The following TUBGCP3 variants were observed in gnomAD, a reference collection of about 807,000 sequenced individuals.
TUBGCP3 encodes the protein gamma-tubulin complex component 3.
A neutral mutation model predicts 123.1 loss-of-function variants in TUBGCP3; 50 were observed. The ratio of observed to expected loss-of-function variants is 0.41; its 90% CI spans 0.32 to 0.51. TUBGCP3 has a LOEUF of 0.51. Among genes scored for constraint, TUBGCP3 ranks in the 20% least tolerant of loss-of-function variants. The probability of loss-of-function intolerance (pLI) is 0.36; values close to 1 mark genes in which losing one functional copy is unlikely to be tolerated. For missense variants in TUBGCP3, 882 were observed against 1,127.0 expected (o/e 0.78, Z 3.11); for synonymous variants, 405 against 413.9 (o/e 0.98, Z 0.26).
At chr13:112,588,996 A>G (rs371443723), upstream of TUBGCP3, among the ~76,000 whole-genome samples, 5 of 152,236 alleles carry the variant, frequency 3.3e-5, no homozygotes, top group African/African-American at 1.2e-4. Context: ...AAAAACATGG[A>G]GACAAAGCAG....
chr13:112,493,209 C>CG (rs1257291870), intron 20 of TUBGCP3, among the ~76,000 whole-genome samples: 1 of 126,358 alleles, frequency 7.9e-6, no homozygotes, highest in Non-Finnish European at 1.6e-5. Flanking sequence ...GCTCTGGGAA[C>CG]GGGGGCTGGT....
At chr13:112,525,046 G>A (rs1280835116) in intron 13 of TUBGCP3, among the ~76,000 whole-genome samples, 6 of 152,148 alleles carry the variant, frequency 3.9e-5, no homozygotes, top group Admixed American at 6.5e-5. Context: ...GTCCTGTTAA[G>A]AGAACATCTG....
At chr13:112,579,133 C>T (rs956864796) in intron 1 of TUBGCP3, among the ~76,000 whole-genome samples, 11 of 151,122 alleles carry the variant, frequency 7.3e-5, no homozygotes, top group African/African-American at 2.7e-4. Flanking sequence ...ACAGATAATT[C>T]ACCAAGAAGA....
chr13:112,547,323 C>T, intron 10 of TUBGCP3: 1 of 408,446 alleles, frequency 2.4e-6, no homozygotes, highest in Non-Finnish European at 4.2e-6. Context: ...CAATGCCAGC[C>T]CGAGCTTCTA....
chr13:112,585,535 G>C (rs1227278220), intron 1 of TUBGCP3, among the ~76,000 whole-genome samples: 5 of 152,132 alleles, frequency 3.3e-5, no homozygotes, highest in Admixed American at 3.3e-4. Context: ...CAAGCGGCAG[G>C]GGGGTGGGGT....
rs1367400059 is a variant in TUBGCP3, at chr13:112,485,783, A to C, written c.*210T>G. 1.7e-6 allele frequency: 1 copy of C among 590,998 alleles called. No homozygotes were observed. Among genetic ancestry groups the C allele is most frequent in the East Asian group, 2.9e-5 (1 of 34,646 alleles). 36.6% of individuals were successfully genotyped at this position (590,998 alleles called of 1,614,324 possible). A position where few individuals can be genotyped will look rare whatever the true frequency, so the allele number is the denominator to read the frequency against. ...CAAATGTGAACAGTGCAGCCAGCCT[A>C]CTTGACTTAGGGATTTACAAATGCA... is the stretch of plus-strand genomic sequence containing the variant. On this transcript the variant is annotated 3_prime_UTR_variant, in exon 22 of 22. Transcript: ENST00000261965.
In TUBGCP3 at chr13:112,508,915, T is replaced by C. The variant is rs1228859490; in HGVS notation, c.2087-4201A>G. On this transcript the variant is annotated intron_variant, in intron 17 of 21. Transcript: ENST00000261965. This position sits in a 1 kb window ranked among gnomAD's most constrained non-coding sequence, Gnocchi z 4.2. ...ATTCCCTTCCCTCCAGCCCCGCGGC[T>C]GCTGTAACCATAAAGGCCAACGTCA... is the stretch of plus-strand genomic sequence containing the variant. 6.6e-6 allele frequency among the ~76,000 whole-genome samples: 1 copy of C among 152,124 alleles called. No individual in the cohort carries two copies. The highest frequency in any genetic ancestry group is 1.5e-5 in the Non-Finnish European group (1 of 68,026).
intron 1 of TUBGCP3, among the ~76,000 whole-genome samples, chr13:112,575,198 T>A (rs563132068): frequency 0.01 from 1,592 of 152,254 alleles, 12 homozygotes; most frequent in Non-Finnish European, 0.015. Flanking sequence ...CTTAAAGCTG[T>A]GTACTATCGA....
chr13:112,548,706 A>G (rs1879280886), intron 8 of TUBGCP3, among the ~76,000 whole-genome samples: 1 of 152,270 alleles, frequency 6.6e-6, no homozygotes, highest in African/African-American at 2.4e-5. Context: ...AAAAGAAGAC[A>G]TTTATGCAGC....
chr13:112,553,979 T>C (rs1156778395), intron 8 of TUBGCP3, 78 bp downstream of exon 8: 1 of 1,557,000 alleles, frequency 6.4e-7, no homozygotes. Context: ...AAGGAGCTAT[T>C]TCACAGTAAG....
chr13:112,544,042 T>C (rs926635098), intron 11 of TUBGCP3, among the ~76,000 whole-genome samples: 1 of 152,172 alleles, frequency 6.6e-6, no homozygotes, highest in East Asian at 1.9e-4. Context: ...CTTATTAACA[T>C]TGGGTAAGAC....
At chr13:112,555,969 C>T (rs1015140014) in intron 6 of TUBGCP3, 83 bp downstream of exon 6, 2 of 1,456,610 alleles carry the variant, frequency 1.4e-6, no homozygotes, top group Non-Finnish European at 1.9e-6. Context: ...TGAGGTGGGG[C>T]TCCTGGGCTG....
Position 112,558,270 on chromosome 13 carries a change from G to T in TUBGCP3, c.474C>A (p.Gly158=), listed in dbSNP as rs1211964707. 6.2e-7 allele frequency: 1 copy of T among 1,613,014 alleles called. No homozygotes were observed. The highest frequency in any genetic ancestry group is 1.1e-5 in the South Asian group (1 of 91,014). Residue 158 remains glycine, a synonymous_variant, in exon 5 of 22, where the codon GGC becomes GGA. Coordinates refer to ENST00000261965, the MANE Select transcript of TUBGCP3 (RefSeq NM_006322.6). Reference sequence around the variant, plus strand: ...GGCCAATGCTGCTGATGCCACTGCTGCCCACGCTGCCGGAGCTCTGGGCTG... The same window carrying T: ...GGCCAATGCTGCTGATGCCACTGCTTCCCACGCTGCCGGAGCTCTGGGCTG... ...AQSAQSSGSV[G]SSGISSIGLC...
At chr13:112,505,892 A>T (rs766934193) in intron 17 of TUBGCP3, among the ~76,000 whole-genome samples, 70 of 152,148 alleles carry the variant, frequency 4.6e-4, no homozygotes, top group Non-Finnish European at 9.7e-4. Flanking sequence ...TACTACAGAG[A>T]AGGACACCCT....
At chr13:112,595,745 A>C in the TUBGCP3 span, among the ~76,000 whole-genome samples, 1 of 151,850 alleles carries the variant, frequency 6.6e-6, no homozygotes, top group South Asian at 2.1e-4. Context: ...CATTTTTTTT[A>C]ATGCTGCCTT....
intron 14 of TUBGCP3, among the ~76,000 whole-genome samples, chr13:112,520,651 T>C (rs548306801): frequency 2.0e-5 from 3 of 152,354 alleles, no homozygotes; most frequent in African/African-American, 7.2e-5. Flanking sequence ...TGAGCTGATA[T>C]AATTTCCTTT....
At chr13:112,542,422 A>T (rs1236117116) in intron 11 of TUBGCP3, among the ~76,000 whole-genome samples, 1 of 152,240 alleles carries the variant, frequency 6.6e-6, no homozygotes, top group Non-Finnish European at 1.5e-5. Flanking sequence ...AACGCCCATT[A>T]CCTACATGTC....
rs1878901267 is a variant in TUBGCP3, at chr13:112,545,394, C to T, written c.1335+305G>A. ...GCAGAATCTGCGATGATGACTGCCC[C>T]AAGACTCAGGAGGCCTCGTCCTGTT... On this transcript the variant is annotated intron_variant, in intron 11 of 21. Coordinates refer to ENST00000261965, the MANE Select transcript of TUBGCP3 (RefSeq NM_006322.6). The surrounding 1 kb of genome is among the most constrained non-coding windows in gnomAD (Gnocchi z 4.1). 2 of 323,454 alleles carry T rather than the reference C, an allele frequency of 6.2e-6. No individual in the cohort carries two copies. The highest frequency in any genetic ancestry group is 2.1e-5 in the African/African-American group (1 of 48,580). The allele number at this position is 323,454 out of a possible 1,614,324, so 20.0% of individuals were successfully genotyped here. A position where few individuals can be genotyped will look rare whatever the true frequency, so the allele number is the denominator to read the frequency against.
rs760577986 is a variant in TUBGCP3, at chr13:112,504,725, A to G, written c.2087-11T>C. On this transcript the variant is annotated splice_polypyrimidine_tract_variant and intron_variant, in intron 17 of 21. Coordinates refer to ENST00000261965, the MANE Select transcript of TUBGCP3 (RefSeq NM_006322.6). ...GCACCCCGGAGAACTCTGCAAGGGA[A>G]GAGTTGACGTCAGAGGTGCAATGCA... 3 of 1,611,898 alleles carry G rather than the reference A, an allele frequency of 1.9e-6. No homozygotes were observed. The highest frequency in any genetic ancestry group is 1.7e-5 in the Admixed American group (1 of 59,920).
Sources: gnomAD v4.1 joint callset for allele counts (sites outside exome capture counted in the v4.1 genomes callset) on GRCh38, gnomAD v4.1.1 for gene constraint, Gnocchi (gnomAD v3.1) non-coding constraint, MANE v1.5 for transcripts, NCBI Gene and HGNC (gene_info 2026-07-23, HGNC 2026-07-21) for gene names.